GRID2: variants seen among roughly 807,000 people sequenced by gnomAD.
GRID2 encodes glutamate ionotropic receptor delta type subunit 2.
In GRID2, 33 loss-of-function variants were observed where a neutral mutation model predicts 114.8. The ratio of observed to expected loss-of-function variants is 0.29; its 90% CI spans 0.22 to 0.38. GRID2 has a LOEUF of 0.38. Ranked by LOEUF, GRID2 falls within the 10% of genes least tolerant of loss-of-function variation. The pLI is 1.00. For missense variants in GRID2, 1,184 were observed against 1,257.7 expected (o/e 0.94, Z 0.89); for synonymous variants, 505 against 449.9 (o/e 1.12, Z -1.55).
intron 8 of GRID2, among the ~76,000 whole-genome samples, chr4:93,381,222 T>C (rs990928604): frequency 2.0e-5 from 3 of 152,090 alleles, no homozygotes; most frequent in African/African-American, 7.2e-5. Flanking sequence ...TAGTAAACAA[T>C]GATTCCCCAT....
chr4:92,917,894 A>T (rs1398242462), intron 2 of GRID2, among the ~76,000 whole-genome samples: 1 of 152,128 alleles, frequency 6.6e-6, no homozygotes, highest in Non-Finnish European at 1.5e-5. Flanking sequence ...GAAGAAAGTC[A>T]TTGGTAGCTT....
At chr4:92,433,128 C>T (rs912044623) in intron 1 of GRID2, among the ~76,000 whole-genome samples, 12 of 152,138 alleles carry the variant, frequency 7.9e-5, no homozygotes, top group Admixed American at 2.0e-4. Context: ...AGTTCCAAGA[C>T]GAAATCCTGT....
chr4:93,479,764 C>T (rs1181469207), intron 11 of GRID2, among the ~76,000 whole-genome samples: 3 of 152,042 alleles, frequency 2.0e-5, no homozygotes, highest in African/African-American at 7.2e-5. Flanking sequence ...TACCCACCTA[C>T]ATTGAAGGTG....
intron 8 of GRID2, among the ~76,000 whole-genome samples, chr4:93,391,642 G>A (rs1246704335): frequency 6.6e-6 from 1 of 152,092 alleles, no homozygotes; most frequent in African/African-American, 2.4e-5. Context: ...AAATCGAGCA[G>A]TTCAGCTCTT....
At chr4:93,497,443 C>T (rs1276736672) in intron 12 of GRID2, among the ~76,000 whole-genome samples, 1 of 151,668 alleles carries the variant, frequency 6.6e-6, no homozygotes, top group Non-Finnish European at 1.5e-5. Flanking sequence ...TCAATAAGTC[C>T]AAGGTCATGA....
At chr4:93,396,325 C>G (rs1765328715) in intron 9 of GRID2, among the ~76,000 whole-genome samples, 1 of 151,916 alleles carries the variant, frequency 6.6e-6, no homozygotes, top group Non-Finnish European at 1.5e-5. Flanking sequence ...AATAGGATTA[C>G]AGTAGTTTCC....
intron 1 of GRID2, among the ~76,000 whole-genome samples, chr4:92,329,995 G>GAGAC (rs1417213596): frequency 1.5e-5 from 2 of 137,498 alleles, no homozygotes; most frequent in African/African-American, 6.6e-5. Flanking sequence ...TGGGAGGAAA[G>GAGAC]AGAGAGAGAG....
chr4:93,114,508 A>G (rs947937470), intron 4 of GRID2, among the ~76,000 whole-genome samples: 16 of 152,048 alleles, frequency 1.1e-4, no homozygotes, highest in Non-Finnish European at 2.2e-4. Flanking sequence ...CACTGATTTT[A>G]TGTCTCCAAA....
At chr4:92,538,964 C>T (rs1725788547) in intron 1 of GRID2, among the ~76,000 whole-genome samples, 1 of 151,460 alleles carries the variant, frequency 6.6e-6, no homozygotes. Context: ...ATGGCGTGAG[C>T]CTGGGAGGCG....
chr4:93,128,410 A>G (rs905506430), intron 4 of GRID2, among the ~76,000 whole-genome samples: 1 of 152,322 alleles, frequency 6.6e-6, no homozygotes, highest in South Asian at 2.1e-4. Context: ...TGACATAAAG[A>G]AATTTTGAAA....
intron 2 of GRID2, among the ~76,000 whole-genome samples, chr4:92,672,233 T>C (rs1037110696): frequency 1.3e-5 from 2 of 152,132 alleles, no homozygotes; most frequent in Non-Finnish European, 2.9e-5. Context: ...TCCTTATTCA[T>C]TTCTCACCTG....
chr4:93,778,663 G>T (rs1240120134), downstream of GRID2, among the ~76,000 whole-genome samples: 2 of 152,140 alleles, frequency 1.3e-5, no homozygotes, highest in South Asian at 4.1e-4. Flanking sequence ...CTCCCAAAGT[G>T]CTGAGATTAC....
intron 8 of GRID2, among the ~76,000 whole-genome samples, chr4:93,319,255 A>G (rs1333586488): frequency 6.6e-6 from 1 of 152,134 alleles, no homozygotes; most frequent in Non-Finnish European, 1.5e-5. Flanking sequence ...GCCATTCAAT[A>G]TGTTGTTTTT....
At chr4:92,704,929 A>G (rs780375414) in intron 2 of GRID2, among the ~76,000 whole-genome samples, 13 of 152,134 alleles carry the variant, frequency 8.5e-5, no homozygotes, top group Non-Finnish European at 1.6e-4. Context: ...ACCTATTTCT[A>G]TATCTTAATT....
intron 1 of GRID2, among the ~76,000 whole-genome samples, chr4:92,340,508 A>G (rs1423454799): frequency 1.3e-5 from 2 of 152,178 alleles, no homozygotes; most frequent in African/African-American, 2.4e-5. Context: ...CTTTCCCTGT[A>G]GAAATGCTAC....
intron 8 of GRID2, among the ~76,000 whole-genome samples, chr4:93,330,837 C>T (rs1361980362): frequency 6.6e-6 from 1 of 151,980 alleles, no homozygotes; most frequent in Admixed American, 6.6e-5. Flanking sequence ...AATCTATTCC[C>T]CTTCTCTGAG....
intron 2 of GRID2, among the ~76,000 whole-genome samples, chr4:92,720,540 T>A (rs1735762876): frequency 6.6e-6 from 1 of 151,730 alleles, no homozygotes; most frequent in African/African-American, 2.4e-5. Context: ...CTCAAATAAA[T>A]AAATAAATAA....
At chr4:92,676,529 G>T (rs959496283) in intron 2 of GRID2, among the ~76,000 whole-genome samples, 40 of 151,884 alleles carry the variant, frequency 2.6e-4, no homozygotes, top group Non-Finnish European at 8.8e-5. Context: ...TTTTTTATTT[G>T]TTGGTTTTAT....
chr4:93,180,930 T>G (rs1739830709), intron 4 of GRID2, among the ~76,000 whole-genome samples: 1 of 152,162 alleles, frequency 6.6e-6, no homozygotes, highest in Non-Finnish European at 1.5e-5. Flanking sequence ...ATTTACTTCT[T>G]CTAAACTCCT....
Sources: gnomAD v4.1 joint callset for allele counts (sites outside exome capture counted in the v4.1 genomes callset) on GRCh38, gnomAD v4.1.1 for gene constraint, MANE v1.5 for transcripts, NCBI Gene and HGNC (gene_info 2026-07-23, HGNC 2026-07-21) for gene names.